PRKCE: variants seen among roughly 807,000 people sequenced by gnomAD.
PRKCE encodes protein kinase C epsilon.
Under a neutral mutation model 85.4 loss-of-function variants are expected in PRKCE, and 16 were observed. The observed-to-expected ratio is 0.19, with a 90% CI of 0.13 to 0.28. The LOEUF (loss-of-function observed/expected upper bound fraction) is 0.28. PRKCE is among the 10% of genes least tolerant of loss of function. PRKCE has a pLI of 1.00. For missense variants in PRKCE, 573 were observed against 975.2 expected (o/e 0.59, Z 5.49); for synonymous variants, 388 against 371.5 (o/e 1.04, Z -0.51).
intron 1 of PRKCE, among the ~76,000 whole-genome samples, chr2:45,752,976 T>G (rs1388762537): frequency 6.6e-6 from 1 of 151,916 alleles, no homozygotes; most frequent in Non-Finnish European, 1.5e-5. Context: ...GTCCTTGGGG[T>G]TTATGGAGCT....
At chr2:45,792,310 C>T (rs1408397366) in intron 1 of PRKCE, among the ~76,000 whole-genome samples, 2 of 152,306 alleles carry the variant, frequency 1.3e-5, no homozygotes, top group East Asian at 3.9e-4. Flanking sequence ...AGAGATCCAT[C>T]CCCATAACCC....
intron 14 of PRKCE, among the ~76,000 whole-genome samples, chr2:46,169,680 G>A (rs1387501697): frequency 3.3e-5 from 5 of 152,174 alleles, no homozygotes; most frequent in Non-Finnish European, 5.9e-5. Flanking sequence ...GACTTTAGCC[G>A]CACTCCGTCC....
intron 14 of PRKCE, chr2:46,167,696 C>G (rs1678475038): frequency 6.6e-6 from 1 of 152,174 alleles, no homozygotes; most frequent in African/African-American, 2.4e-5. Context: ...GCCCTTTTTG[C>G]CTCTTAGGAT....
chr2:45,841,628 C>A (rs1406668745), intron 1 of PRKCE, among the ~76,000 whole-genome samples: 3 of 152,206 alleles, frequency 2.0e-5, no homozygotes, highest in Non-Finnish European at 4.4e-5. Flanking sequence ...AGCACCCTCA[C>A]AGACACACCC....
intron 1 of PRKCE, among the ~76,000 whole-genome samples, chr2:45,776,796 C>T (rs912678214): frequency 3.3e-5 from 5 of 152,158 alleles, no homozygotes; most frequent in African/African-American, 4.8e-5. Flanking sequence ...GCCTCACAGC[C>T]TTTTGTCATG....
chr2:45,918,424 C>T (rs992851956), intron 2 of PRKCE, among the ~76,000 whole-genome samples: 7 of 152,122 alleles, frequency 4.6e-5, no homozygotes, highest in Non-Finnish European at 8.8e-5. Context: ...GTCATTGTAC[C>T]AAACAATTTT....
chr2:45,757,615 A>G (rs1349139109), intron 1 of PRKCE, among the ~76,000 whole-genome samples: 1 of 152,076 alleles, frequency 6.6e-6, no homozygotes, highest in African/African-American at 2.4e-5. Context: ...TACAGTGGCC[A>G]TGATCACAAC....
intron 11 of PRKCE, among the ~76,000 whole-genome samples, chr2:46,086,627 C>T (rs764803117): frequency 5.3e-5 from 8 of 152,190 alleles, no homozygotes; most frequent in Non-Finnish European, 7.3e-5. Flanking sequence ...GGCTTGGTGC[C>T]AGGTGACCTT....
chr2:46,180,776 C>T (rs1202959633), intron 14 of PRKCE, among the ~76,000 whole-genome samples: 2 of 152,200 alleles, frequency 1.3e-5, no homozygotes, highest in Non-Finnish European at 1.5e-5. Flanking sequence ...TTACCACCCC[C>T]GTGTGACAGA....
chr2:45,850,896 A>T (rs1475809500), intron 2 of PRKCE, among the ~76,000 whole-genome samples: 3 of 152,176 alleles, frequency 2.0e-5, no homozygotes, highest in Non-Finnish European at 4.4e-5. Flanking sequence ...TCTAATATAT[A>T]CGAGGCCCTG....
At chr2:46,130,964 T>C (rs1194721069) in intron 11 of PRKCE, among the ~76,000 whole-genome samples, 1 of 152,228 alleles carries the variant, frequency 6.6e-6, no homozygotes, top group Non-Finnish European at 1.5e-5. Context: ...GGTCACTTTT[T>C]CCCAAAGCAG....
Position 46,083,677 on chromosome 2 carries a change from C to T in PRKCE, c.1438-2531C>T, listed in dbSNP as rs189812465. Among the ~76,000 whole-genome samples, 279 of 152,266 alleles carry T rather than the reference C, an allele frequency of 1.8e-3. 1 individual carries two copies. Among genetic ancestry groups the T allele is most frequent in the Non-Finnish European group, 1.9e-3 (126 of 68,036 alleles). ...TTGTCCCTGGCCTGCCAGCATTGCC[C>T]GGAAACTTGTTAGAGGATTCAGATT... On this transcript the variant is annotated intron_variant, in intron 10 of 14. Transcript: ENST00000306156.
chr2:46,041,216 C>A lies in PRKCE; in HGVS notation c.1437+30699C>A, dbSNP rs961886093. Among the ~76,000 whole-genome samples the A allele has an allele frequency of 1.3e-5, 2 of 152,172 alleles. No individual in the cohort carries two copies. The highest frequency in any genetic ancestry group is 4.8e-5 in the African/African-American group (2 of 41,446). On this transcript the variant is annotated intron_variant, in intron 10 of 14. Transcript: ENST00000306156. The surrounding 1 kb of genome is among the most constrained non-coding windows in gnomAD (Gnocchi z 5.5). ...TAGGTTTTAAACTAACAAATGATTA[C>A]CCTTGATCTTAAGAGTACTGGGTAT...
chr2:45,655,821 G>T (rs1675350385), intron 1 of PRKCE, among the ~76,000 whole-genome samples: 1 of 141,490 alleles, frequency 7.1e-6, no homozygotes, highest in African/African-American at 2.6e-5. Context: ...TCCAGCCTGG[G>T]TGACAGAGTG....
At position 45,843,038 on chromosome 2, in the gene PRKCE, C is replaced by A. The variant is rs572941246; in HGVS notation, c.387C>A (p.Ile129=). 4 of 1,614,154 alleles carry A rather than the reference C, an allele frequency of 2.5e-6. No homozygotes were observed. Among genetic ancestry groups the A allele is most frequent in the Admixed American group, 1.7e-5 (1 of 60,030 alleles). The change falls in exon 2 of 15, where the codon ATC becomes ATA. Residue 129 remains isoleucine (I), a synonymous_variant. Coordinates refer to ENST00000306156, the MANE Select transcript of PRKCE (RefSeq NM_005400.3). ...CAGAAGGAAGAGTGTATGTGATCATCGATCTCTCAGGGTCGTCGGGTGAAG... is the reference window on the plus strand; with the variant it reads ...CAGAAGGAAGAGTGTATGTGATCATAGATCTCTCAGGGTCGTCGGGTGAAG... ...LEPEGRVYVI[I]DLSGSSGEAP... is the part of the protein sequence containing the mutation.
chr2:46,083,751 C>T (rs977960989), intron 10 of PRKCE, among the ~76,000 whole-genome samples: 1 of 152,196 alleles, frequency 6.6e-6, no homozygotes, highest in African/African-American at 2.4e-5. Context: ...AGTTGGGGGG[C>T]TCAGGAATCC....
intron 2 of PRKCE, among the ~76,000 whole-genome samples, chr2:45,963,693 A>T (rs922205209): frequency 2.6e-5 from 4 of 152,178 alleles, no homozygotes; most frequent in African/African-American, 7.2e-5. Flanking sequence ...TTTTATCTTC[A>T]GATTCCCTGA....
chr2:45,844,657 C>T (rs928767260), intron 2 of PRKCE, among the ~76,000 whole-genome samples: 4 of 152,198 alleles, frequency 2.6e-5, no homozygotes, highest in Admixed American at 6.5e-5. Context: ...AATCAATCCC[C>T]TTTTTTCCTT....
chr2:45,901,477 C>T (rs113551176), intron 2 of PRKCE, among the ~76,000 whole-genome samples: 2,797 of 152,178 alleles, frequency 0.018, 87 homozygotes, highest in African/African-American at 0.064. Flanking sequence ...AGAAAAGAAC[C>T]GATTTACAAA....
Sources: gnomAD v4.1 joint callset for allele counts (sites outside exome capture counted in the v4.1 genomes callset) on GRCh38, gnomAD v4.1.1 for gene constraint, Gnocchi (gnomAD v3.1) non-coding constraint, MANE v1.5 for transcripts, NCBI Gene and HGNC (gene_info 2026-07-23, HGNC 2026-07-21) for gene names.